The following SPOCK1 variants were observed in gnomAD, a reference collection of about 807,000 sequenced individuals.
SPOCK1 encodes SPARC (osteonectin), cwcv and kazal like domains proteoglycan 1.
In SPOCK1, 23 loss-of-function variants were observed where a neutral mutation model predicts 55.3. That is an observed-to-expected ratio of 0.42 (90% CI 0.30 to 0.59). SPOCK1 has a LOEUF of 0.59. SPOCK1 is among the 20% of genes least tolerant of loss of function. The probability of loss-of-function intolerance (pLI) is 0.22; values close to 1 mark genes in which losing one functional copy is unlikely to be tolerated. For missense variants in SPOCK1, 499 were observed against 552.5 expected, an observed-to-expected ratio of 0.90 and a Z score of 0.97; for synonymous variants, 226 against 221.0, an observed-to-expected ratio of 1.02 and a Z score of -0.20.
intron 3 of SPOCK1, among the ~76,000 whole-genome samples, chr5:137,180,374 G>A (rs372496185): frequency 6.6e-6 from 1 of 150,962 alleles, no homozygotes; most frequent in East Asian, 1.9e-4. Context: ...GTGGGGGTGG[G>A]TAGGTGACAA....
intron 4 of SPOCK1, among the ~76,000 whole-genome samples, chr5:137,131,616 A>T (rs985728119): frequency 9.6e-5 from 9 of 93,774 alleles, no homozygotes; most frequent in East Asian, 5.0e-4. Flanking sequence ...TCAAAAAAAT[A>T]AAAAAAAGAT....
intron 2 of SPOCK1, among the ~76,000 whole-genome samples, chr5:137,465,010 A>C (rs1050244450): frequency 2.2e-4 from 34 of 152,308 alleles, no homozygotes; most frequent in African/African-American, 7.9e-4. Flanking sequence ...ATCAGAGAGA[A>C]CGTGCAGAAA....
chr5:137,417,055 A>C (rs1316947869), intron 2 of SPOCK1, among the ~76,000 whole-genome samples: 1 of 152,142 alleles, frequency 6.6e-6, no homozygotes, highest in Non-Finnish European at 1.5e-5. Flanking sequence ...ACATATCCAC[A>C]TATATAGATA....
chr5:137,497,928 A>G (rs1754332563), intron 2 of SPOCK1, among the ~76,000 whole-genome samples: 2 of 151,054 alleles, frequency 1.3e-5, no homozygotes, highest in Non-Finnish European at 1.5e-5. Context: ...CCCAGACCCA[A>G]CCTCTCCAGT....
chr5:137,410,647 T>C (rs1203724097), intron 2 of SPOCK1, among the ~76,000 whole-genome samples: 1 of 152,248 alleles, frequency 6.6e-6, no homozygotes. Flanking sequence ...CCCACGCCAC[T>C]GGACAGCTCT....
intron 2 of SPOCK1, among the ~76,000 whole-genome samples, chr5:137,366,183 C>T (rs1167511511): frequency 1.3e-5 from 2 of 152,116 alleles, no homozygotes; most frequent in African/African-American, 4.8e-5. Flanking sequence ...AAGAATACTC[C>T]CCCAGTGCTC....
chr5:137,230,939 A>G (rs1414386742), intron 3 of SPOCK1, among the ~76,000 whole-genome samples: 4 of 149,606 alleles, frequency 2.7e-5, no homozygotes, highest in Admixed American at 6.7e-5. Context: ...ATGTGTGTGT[A>G]TGTATGCCTA....
At chr5:137,459,558 A>T (rs1243947455) in intron 2 of SPOCK1, among the ~76,000 whole-genome samples, 1 of 151,992 alleles carries the variant, frequency 6.6e-6, no homozygotes, top group Non-Finnish European at 1.5e-5. Context: ...ACACCAAGAA[A>T]TTTAAGCAAT....
chr5:136,985,471 C>T (rs543601744), intron 8 of SPOCK1, among the ~76,000 whole-genome samples: 7 of 151,876 alleles, frequency 4.6e-5, no homozygotes, highest in African/African-American at 1.7e-4. Context: ...AAGCAAATAC[C>T]AAGTATCTAA....
At chr5:137,166,818 A>G (rs1323200345) in intron 3 of SPOCK1, among the ~76,000 whole-genome samples, 1 of 152,104 alleles carries the variant, frequency 6.6e-6, no homozygotes, top group African/African-American at 2.4e-5. Flanking sequence ...TATGATGAAT[A>G]CACAAAAAAC....
intron 2 of SPOCK1, among the ~76,000 whole-genome samples, chr5:137,359,805 T>G (rs1054937721): frequency 2.0e-5 from 3 of 152,206 alleles, no homozygotes; most frequent in Admixed American, 6.5e-5. Context: ...TTTTTTCCTC[T>G]AGGATGGACA....
intron 3 of SPOCK1, among the ~76,000 whole-genome samples, chr5:137,263,754 G>A (rs1454576367): frequency 2.0e-5 from 3 of 152,078 alleles, no homozygotes; most frequent in Non-Finnish European, 4.4e-5. Context: ...TACTACTTAT[G>A]CCACTTTACC....
intron 3 of SPOCK1, among the ~76,000 whole-genome samples, chr5:137,166,419 G>T (rs1350187719): frequency 6.6e-6 from 1 of 151,566 alleles, no homozygotes; most frequent in Non-Finnish European, 1.5e-5. Flanking sequence ...AAATGCTAAA[G>T]GGAGTACTTC....
At chr5:137,060,312 G>A (rs929436263) in intron 6 of SPOCK1, among the ~76,000 whole-genome samples, 2 of 152,144 alleles carry the variant, frequency 1.3e-5, no homozygotes, top group African/African-American at 4.8e-5. Context: ...CATGGATGGA[G>A]CTGGAGGCCA....
chr5:137,216,437 G>A (rs907504543), intron 3 of SPOCK1, among the ~76,000 whole-genome samples: 8 of 152,218 alleles, frequency 5.3e-5, no homozygotes, highest in South Asian at 2.1e-4. Flanking sequence ...AAGGCCGGGT[G>A]CAGTGGCTCA....
chr5:137,087,897 C>T (rs1580744045), intron 5 of SPOCK1, among the ~76,000 whole-genome samples: 1 of 152,166 alleles, frequency 6.6e-6, no homozygotes, highest in African/African-American at 2.4e-5. Flanking sequence ...AGGAGCCTCC[C>T]ACCCAGGATT....
intron 6 of SPOCK1, among the ~76,000 whole-genome samples, chr5:137,006,866 G>A (rs924041139): frequency 6.6e-5 from 10 of 152,134 alleles, no homozygotes; most frequent in African/African-American, 2.4e-4. Context: ...TTTGAGATAT[G>A]TTCCATCAAT....
In SPOCK1 at chr5:137,128,544, G is replaced by T. The variant is rs528887462; in HGVS notation, c.347+12036C>A. 3.3e-5 allele frequency among the ~76,000 whole-genome samples: 5 copies of T among 152,206 alleles called. No individual in the cohort carries two copies. In the South Asian group the frequency reaches 8.3e-4, roughly 25 times the overall value. On this transcript the variant is annotated intron_variant, in intron 4 of 10. Coordinates refer to ENST00000394945, the MANE Select transcript of SPOCK1 (RefSeq NM_004598.4). ...CCTTATAAAAATACCATAATGTGGGGTTTAAAGTAATCATTTTAGAAGGAA... is the reference window on the plus strand; with the variant it reads ...CCTTATAAAAATACCATAATGTGGGTTTTAAAGTAATCATTTTAGAAGGAA...
chr5:137,225,967 C>T (rs1755937889), intron 3 of SPOCK1, among the ~76,000 whole-genome samples: 1 of 152,206 alleles, frequency 6.6e-6, no homozygotes, highest in Non-Finnish European at 1.5e-5. Flanking sequence ...CTTCTTCCCA[C>T]TTGGAGCACG....
Sources: gnomAD v4.1 joint callset for allele counts (sites outside exome capture counted in the v4.1 genomes callset) on GRCh38, gnomAD v4.1.1 for gene constraint, MANE v1.5 for transcripts, NCBI Gene and HGNC (gene_info 2026-07-23, HGNC 2026-07-21) for gene names.